The following MRPL47 variants were observed in gnomAD, a reference collection of about 807,000 sequenced individuals.
MRPL47 encodes mitochondrial ribosomal protein L47.
A neutral mutation model predicts 34.0 loss-of-function variants in MRPL47; 31 were observed. The ratio of observed to expected loss-of-function variants is 0.91; its 90% CI spans 0.68 to 1.23. The LOEUF is 1.23. MRPL47 is among the 50% of genes most tolerant of loss of function. The pLI, the probability that MRPL47 is intolerant of heterozygous loss-of-function variation, is 0.00. For missense variants in MRPL47, 328 were observed against 285.8 expected, an observed-to-expected ratio of 1.15 and a Z score of -1.07; for synonymous variants, 106 against 101.6, an observed-to-expected ratio of 1.04 and a Z score of -0.26.
intron 5 of MRPL47, among the ~76,000 whole-genome samples, chr3:179,593,306 C>A (rs1335836027): frequency 6.6e-6 from 1 of 152,214 alleles, no homozygotes; most frequent in Non-Finnish European, 1.5e-5. Flanking sequence ...CAAACTGAAA[C>A]TGGTTCATGT....
At position 179,593,763 on chromosome 3, in the gene MRPL47, A is replaced by G; in HGVS notation, c.533+2T>C. 2 of 1,613,040 alleles carry G rather than the reference A, an allele frequency of 1.2e-6. No individual in the cohort carries two copies. Among genetic ancestry groups the G allele is most frequent in the South Asian group, 2.2e-5 (2 of 90,854 alleles). On this transcript the variant is annotated splice_donor_variant, in intron 5 of 6. Coordinates refer to ENST00000476781, the MANE Select transcript of MRPL47 (RefSeq NM_020409.3). LOFTEE classifies it high-confidence loss of function. ...AGAAGAGCCACAGTGTTAACTACATACCAGATGATTCTTCCAAAGATGTCT... is the reference window on the plus strand; with the variant it reads ...AGAAGAGCCACAGTGTTAACTACATGCCAGATGATTCTTCCAAAGATGTCT...
intron 3 of MRPL47, among the ~76,000 whole-genome samples, chr3:179,600,234 G>A (rs1718895597): frequency 6.6e-6 from 1 of 152,122 alleles, no homozygotes; most frequent in Admixed American, 6.5e-5. Flanking sequence ...AACTAATAGT[G>A]CTTTAATACA....
At chr3:179,601,444 C>A (rs1718923773) in intron 3 of MRPL47, among the ~76,000 whole-genome samples, 2 of 152,174 alleles carry the variant, frequency 1.3e-5, no homozygotes, top group South Asian at 4.1e-4. Flanking sequence ...TTCTCTGTTT[C>A]ATTTTATTAA....
chr3:179,589,353 A>C (rs959429909), intron 6 of MRPL47, among the ~76,000 whole-genome samples: 1 of 152,214 alleles, frequency 6.6e-6, no homozygotes, highest in African/African-American at 2.4e-5. Context: ...ACTATTTGAA[A>C]GTAGGGAATT....
At chr3:179,600,174 TG>T (rs1718894191) in intron 3 of MRPL47, among the ~76,000 whole-genome samples, 1 of 151,630 alleles carries the variant, frequency 6.6e-6, no homozygotes, top group East Asian at 1.9e-4. Flanking sequence ...GTTGCAGCCA[TG>T]ATGAATGTTG....
At chr3:179,596,102 C>T (rs941637268) in intron 4 of MRPL47, among the ~76,000 whole-genome samples, 1 of 152,180 alleles carries the variant, frequency 6.6e-6, no homozygotes, top group Non-Finnish European at 1.5e-5. Flanking sequence ...GGTCATTTAT[C>T]TCAAATGGAT....
At chr3:179,599,788 C>G (rs1020985665) in intron 3 of MRPL47, among the ~76,000 whole-genome samples, 3 of 152,150 alleles carry the variant, frequency 2.0e-5, no homozygotes, top group Non-Finnish European at 4.4e-5. Flanking sequence ...ACTGAAGCAG[C>G]AGAGCTAAAG....
At chr3:179,593,076 G>A (rs967012275) in intron 5 of MRPL47, among the ~76,000 whole-genome samples, 1 of 152,072 alleles carries the variant, frequency 6.6e-6, no homozygotes, top group Non-Finnish European at 1.5e-5. Context: ...CTTTCTGAGG[G>A]GAGGTTTATT....
At chr3:179,597,359 T>C (rs1247571759) in intron 4 of MRPL47, among the ~76,000 whole-genome samples, 2 of 152,100 alleles carry the variant, frequency 1.3e-5, no homozygotes, top group Non-Finnish European at 2.9e-5. Context: ...CTGCGACTGG[T>C]GTGAGGAAAG....
chr3:179,592,424 G>C (rs1031676142), intron 6 of MRPL47, among the ~76,000 whole-genome samples: 2 of 150,456 alleles, frequency 1.3e-5, no homozygotes, highest in Non-Finnish European at 3.0e-5. Context: ...TCGATCGCCT[G>C]ACCTCGTGAT....
intron 6 of MRPL47, among the ~76,000 whole-genome samples, chr3:179,591,368 T>C (rs1341725579): frequency 2.0e-5 from 3 of 152,212 alleles, no homozygotes; most frequent in Admixed American, 6.5e-5. Context: ...TTTTCCCTTC[T>C]AATTGCAGTT....
chr3:179,602,664 T>A lies in MRPL47; in HGVS notation c.232A>T (p.Lys78Ter). 6.2e-7 allele frequency: 1 copy of A among 1,611,146 alleles called. No individual in the cohort carries two copies. Among genetic ancestry groups the A allele is most frequent in the African/African-American group, 1.3e-5 (1 of 74,862 alleles). ...CCAAGTATCTCACCAGATTTTACTTTTTCTTGCCCCCAGTTTTTTGGGTCA... is the reference window on the plus strand; with the variant it reads ...CCAAGTATCTCACCAGATTTTACTTATTCTTGCCCCCAGTTTTTTGGGTCA... Reference protein sequence around the residue: ...FDDPKNWGQEKVKSGAAWTCQ... With the variant: ...FDDPKNWGQE Residue 78 changes from lysine (K) to a stop codon, truncating the protein, a stop_gained, in exon 2 of 7, where the codon AAA becomes TAA. Transcript: ENST00000476781. LOFTEE classifies it high-confidence loss of function.
chr3:179,592,505 T>C (rs1718699023), intron 6 of MRPL47, 139 bp downstream of exon 6: 2 of 595,002 alleles, frequency 3.4e-6, no homozygotes, highest in Non-Finnish European at 5.8e-6. Context: ...GACTTTCCTA[T>C]TTTTTATAAT....
intron 1 of MRPL47, 129 bp downstream of exon 1, chr3:179,604,398 A>C: frequency 1.3e-6 from 1 of 795,040 alleles, no homozygotes; most frequent in Admixed American, 2.5e-5. Context: ...TCCTCACCAA[A>C]GTGGGCTCCG....
Position 179,592,676 on chromosome 3 carries a change from G to A in MRPL47, c.597C>T (p.Phe199=), listed in dbSNP as rs138785691. The stretch of plus-strand genomic sequence containing the variant: ...AATGGTCCACATAAGGCAAGGCAAA[G>A]AATCGTTTCCTATTGTATCTTTTAT... ...HLNKRYNRKR[F]FALPYVDHFL... Residue 199 remains phenylalanine (F), a synonymous_variant, in exon 6 of 7, where the codon TTC becomes TTT. Transcript: ENST00000476781. The A allele has an allele frequency of 7.0e-5, 113 of 1,613,730 alleles. No homozygotes were observed. In the African/African-American group the frequency reaches 1.3e-3, roughly 18 times the overall value.
intron 6 of MRPL47, among the ~76,000 whole-genome samples, chr3:179,591,088 TGAAAATCGGGGCGG>T (rs1348456586): frequency 6.6e-6 from 1 of 152,246 alleles, no homozygotes; most frequent in Non-Finnish European, 1.5e-5. Context: ...TGTTTTGGTA[TGAAAATCGGGGCGG>T]GAAAATCGGT....
intron 3 of MRPL47, among the ~76,000 whole-genome samples, chr3:179,599,575 T>C (rs1457562009): frequency 6.6e-6 from 1 of 152,236 alleles, no homozygotes; most frequent in Non-Finnish European, 1.5e-5. Context: ...TCTCTGTGTA[T>C]AAAATCCATT....
intron 3 of MRPL47, among the ~76,000 whole-genome samples, chr3:179,599,586 CTATTT>C (rs1183047505): frequency 1.3e-5 from 2 of 152,142 alleles, no homozygotes; most frequent in Non-Finnish European, 2.9e-5. Context: ...AAAATCCATT[CTATTT>C]TAACTCCACC....
rs766384420 is a variant in MRPL47 at position 179,589,002 on chromosome 3, TAAAA to T, written c.630-11_630-8del. The T allele has an allele frequency of 1.0e-5, 16 of 1,593,112 alleles. No individual in the cohort carries two copies. In the South Asian group the frequency reaches 1.8e-4, roughly 18 times the overall value. ...TCGTTTCTCACGTTCCAGTCTAGAATAAAAAAAGCGTAACAGCAATTTATACAAA... is the reference window on the plus strand; with the variant it reads ...TCGTTTCTCACGTTCCAGTCTAGAATAAAGCGTAACAGCAATTTATACAAA... On this transcript the variant is annotated splice_region_variant and splice_polypyrimidine_tract_variant and intron_variant, in intron 6 of 6. Transcript: ENST00000476781.
Sources: allele counts gnomAD v4.1 joint callset (sites outside exome capture counted in the v4.1 genomes callset), GRCh38; gene constraint gnomAD v4.1.1; transcripts MANE v1.5; gene names NCBI Gene and HGNC (gene_info 2026-07-23, HGNC 2026-07-21).